Variants in PALLD observed in about 807,000 individuals in gnomAD.
PALLD encodes the protein palladin, cytoskeletal associated protein, also known as palladin.
In PALLD, 61 loss-of-function variants were observed where a neutral mutation model predicts 123.5. That is an observed-to-expected ratio of 0.49 (90% CI 0.40 to 0.61). The LOEUF (loss-of-function observed/expected upper bound fraction) is 0.61. PALLD is among the 20% of genes least tolerant of loss of function. The pLI is 0.00. For missense variants in PALLD, 1,273 were observed against 1,377.0 expected, an observed-to-expected ratio of 0.92 and a Z score of 1.20; for synonymous variants, 465 against 496.4, an observed-to-expected ratio of 0.94 and a Z score of 0.84.
intron 10 of PALLD, among the ~76,000 whole-genome samples, chr4:168,749,794 G>A (rs1177958321): frequency 6.6e-6 from 1 of 152,144 alleles, no homozygotes; most frequent in Non-Finnish European, 1.5e-5. Context: ...GTATGATGCT[G>A]AGGTTTGGGG....
chr4:168,545,529 C>CA (rs5863940), intron 2 of PALLD, among the ~76,000 whole-genome samples: 50,684 of 146,100 alleles, frequency 0.35, 9,471 homozygotes, highest in East Asian at 0.68. Flanking sequence ...AACTCTGTCT[C>CA]AAAAAAAAAA....
At chr4:168,759,581 G>T (rs1341746696) in intron 10 of PALLD, among the ~76,000 whole-genome samples, 1 of 151,920 alleles carries the variant, frequency 6.6e-6, no homozygotes, top group African/African-American at 2.4e-5. Flanking sequence ...TGGGGAAAGA[G>T]GAACCTGTGA....
intron 10 of PALLD, among the ~76,000 whole-genome samples, chr4:168,779,495 A>AT (rs1735599737): frequency 6.6e-6 from 1 of 150,946 alleles, no homozygotes; most frequent in South Asian, 2.1e-4. Flanking sequence ...ATATATATAT[A>AT]AAAAATCATA....
At chr4:168,612,331 T>G (rs906417982) in intron 2 of PALLD, among the ~76,000 whole-genome samples, 1 of 151,690 alleles carries the variant, frequency 6.6e-6, no homozygotes, top group Non-Finnish European at 1.5e-5. Context: ...GGAACTGATA[T>G]ATCACATCCC....
At chr4:168,926,134 T>C in intron 21 of PALLD, 79 bp from the exon 22 acceptor site, 1 of 1,192,626 alleles carries the variant, frequency 8.4e-7, no homozygotes, top group Non-Finnish European at 1.1e-6. Context: ...ATCTAGACAT[T>C]CTGTATTTAT....
At chr4:168,921,866 A>G in intron 18 of PALLD, 125 bp downstream of exon 18, 1 of 802,802 alleles carries the variant, frequency 1.2e-6, no homozygotes, top group Non-Finnish European at 2.1e-6. Context: ...GTATCATCAA[A>G]ATAGCCAATG....
At chr4:168,541,647 T>C (rs1032049634) in intron 2 of PALLD, among the ~76,000 whole-genome samples, 6 of 152,016 alleles carry the variant, frequency 3.9e-5, no homozygotes, top group Admixed American at 2.0e-4. Context: ...GAGACAGGGT[T>C]TCACCATGTT....
Position 168,511,692 on chromosome 4 carries a change from A to T in PALLD, c.188A>T (p.Glu63Val). 1 of 1,614,186 alleles carries T rather than the reference A, an allele frequency of 6.2e-7. No individual in the cohort carries two copies. Among genetic ancestry groups the T allele is most frequent in the Non-Finnish European group, 8.5e-7 (1 of 1,180,030 alleles). ...SETEDFDSEK[E>V]ISQIFSTSPA... ...ACAGAAGATTTTGACTCGGAAAAGG[A>T]GATCTCGCAGATTTTCAGTACTTCT... Residue 63 changes from glutamate (E) to valine (V), a missense_variant, in exon 2 of 22, where the codon GAG becomes GTG. Transcript: ENST00000505667.
rs118176877 is a variant in PALLD at position 168,852,842 on chromosome 4, T to G, written c.1965-38080T>G. ...CCCTCTAATGCTTTCTAGGTGTGGA[T>G]ATCAAGAAACCTACATGTTGTGTTT... is the stretch of plus-strand genomic sequence containing the variant. On this transcript the variant is annotated intron_variant, in intron 10 of 21. Transcript: ENST00000505667. 3.3e-5 allele frequency among the ~76,000 whole-genome samples: 5 copies of G among 152,248 alleles called. No individual in the cohort carries two copies. The South Asian group carries it at 1.0e-3, about 32-fold the overall frequency.
chr4:168,683,545 T>C (rs146975838), intron 5 of PALLD, among the ~76,000 whole-genome samples: 223 of 152,324 alleles, frequency 1.5e-3, no homozygotes, highest in African/African-American at 5.2e-3. Context: ...TTCCTTGACT[T>C]CACCATGCTT....
intron 10 of PALLD, among the ~76,000 whole-genome samples, chr4:168,747,371 C>G (rs996640190): frequency 3.3e-5 from 5 of 152,164 alleles, no homozygotes; most frequent in African/African-American, 1.2e-4. Flanking sequence ...ATGCCCAGCT[C>G]TCAGCAAAAG....
intron 2 of PALLD, among the ~76,000 whole-genome samples, chr4:168,579,242 C>T (rs538702813): frequency 6.6e-6 from 1 of 152,256 alleles, no homozygotes; most frequent in East Asian, 1.9e-4. Flanking sequence ...TCTCCCTAAA[C>T]GTCATTTCGT....
intron 10 of PALLD, among the ~76,000 whole-genome samples, chr4:168,859,579 A>G (rs1033022609): frequency 2.6e-5 from 4 of 152,228 alleles, no homozygotes; most frequent in African/African-American, 9.6e-5. Context: ...TTTTGCCACT[A>G]TCATGGACAA....
At chr4:168,842,566 ATGGGCTGG>A (rs1746188750) in intron 10 of PALLD, among the ~76,000 whole-genome samples, 1 of 152,162 alleles carries the variant, frequency 6.6e-6, no homozygotes, top group African/African-American at 2.4e-5. Flanking sequence ...CTATCTTCTG[ATGGGCTGG>A]TAGCTCTCAT....
intron 6 of PALLD, 65 bp downstream of exon 6, chr4:168,685,624 C>A (rs1457264183): frequency 2.0e-6 from 2 of 1,016,008 alleles, no homozygotes; most frequent in Non-Finnish European, 3.2e-6. Flanking sequence ...TTACATGTGG[C>A]TTCGTGTAGC....
rs565065278 is a variant in PALLD at position 168,769,948 on chromosome 4, T to A, written c.1964+58025T>A. 5.3e-5 allele frequency among the ~76,000 whole-genome samples: 8 copies of A among 152,338 alleles called. No homozygotes were observed. In the South Asian group the frequency reaches 1.4e-3, roughly 28 times the overall value. ...GAGGCCATGCACAAATTTCCTTCTA[T>A]GTGCAGAGCCTTCAGCAACATCCAT... is the stretch of plus-strand genomic sequence containing the variant. On this transcript the variant is annotated intron_variant, in intron 10 of 21. Coordinates refer to ENST00000505667, the MANE Select transcript of PALLD (RefSeq NM_001166108.2).
intron 10 of PALLD, chr4:168,878,449 G>A: frequency 7.4e-7 from 1 of 1,355,856 alleles, no homozygotes; most frequent in African/African-American, 1.5e-5. Context: ...GGGTCGCCCT[G>A]GGACTCCCAC....
At chr4:168,753,576 G>A (rs7662051) in intron 10 of PALLD, among the ~76,000 whole-genome samples, 2,657 of 152,232 alleles carry the variant, frequency 0.017, 69 homozygotes, top group African/African-American at 0.058. Flanking sequence ...CTCACAGGGT[G>A]TAGTGGGGGT....
chr4:168,567,420 G>T (rs891323347), intron 2 of PALLD, among the ~76,000 whole-genome samples: 4 of 151,742 alleles, frequency 2.6e-5, no homozygotes, highest in Admixed American at 6.6e-5. Flanking sequence ...ATGAAAAAAT[G>T]CTCAACATTA....
Sources: allele counts gnomAD v4.1 joint callset (sites outside exome capture counted in the v4.1 genomes callset), GRCh38; gene constraint gnomAD v4.1.1; transcripts MANE v1.5; gene names NCBI Gene and HGNC (gene_info 2026-07-23, HGNC 2026-07-21).